Variants in ARHGAP24 observed in about 807,000 individuals in gnomAD.
The protein encoded by ARHGAP24 is Rho GTPase activating protein 24.
A neutral mutation model predicts 76.4 loss-of-function variants in ARHGAP24; 50 were observed. That is an observed-to-expected ratio of 0.65 (90% CI 0.52 to 0.83). The LOEUF is 0.83. Among genes scored for constraint, ARHGAP24 ranks in the 40% least tolerant of loss-of-function variants. The pLI, the probability that ARHGAP24 is intolerant of heterozygous loss-of-function variation, is 0.00. For synonymous variants in ARHGAP24, 345 were observed against 323.3 expected (o/e 1.07, Z -0.72); for missense variants, 930 against 914.2 (o/e 1.02, Z -0.22).
chr4:85,640,459 T>C (rs573324146), intron 2 of ARHGAP24, among the ~76,000 whole-genome samples: 2 of 152,326 alleles, frequency 1.3e-5, no homozygotes, highest in East Asian at 3.9e-4. Flanking sequence ...CCAATGGCAG[T>C]CATCATCTTA....
At chr4:85,793,830 G>C (rs940773951) in intron 3 of ARHGAP24, among the ~76,000 whole-genome samples, 1 of 152,100 alleles carries the variant, frequency 6.6e-6, no homozygotes, top group Non-Finnish European at 1.5e-5. Context: ...CCTTCTTTTT[G>C]ATTATTTGTG....
At chr4:85,507,926 GAA>G in intron 1 of ARHGAP24, among the ~76,000 whole-genome samples, 1 of 151,902 alleles carries the variant, frequency 6.6e-6, no homozygotes, top group South Asian at 2.1e-4. Flanking sequence ...ATTCTTATTA[GAA>G]AAGTATCTAA....
intron 1 of ARHGAP24, among the ~76,000 whole-genome samples, chr4:85,542,201 G>A (rs1725731361): frequency 6.6e-6 from 1 of 152,142 alleles, no homozygotes; most frequent in Non-Finnish European, 1.5e-5. Context: ...TAATTAATAT[G>A]GCTTGTGTAT....
intron 3 of ARHGAP24, among the ~76,000 whole-genome samples, chr4:85,739,194 C>T (rs867358033): frequency 4.6e-5 from 7 of 152,186 alleles, no homozygotes; most frequent in Admixed American, 1.3e-4. Flanking sequence ...GCTTGCCTCC[C>T]TCTCCCCTGC....
chr4:85,480,467 C>T (rs1467132672), intron 1 of ARHGAP24, among the ~76,000 whole-genome samples: 2 of 152,120 alleles, frequency 1.3e-5, no homozygotes, highest in African/African-American at 2.4e-5. Flanking sequence ...ATCTTATTGT[C>T]ACTTTTAATA....
chr4:85,802,555 AC>A (rs1156923579), intron 3 of ARHGAP24, among the ~76,000 whole-genome samples: 2 of 152,300 alleles, frequency 1.3e-5, no homozygotes, highest in African/African-American at 4.8e-5. Flanking sequence ...ACTTTGGGAG[AC>A]CAAGGCGGGT....
intron 3 of ARHGAP24, among the ~76,000 whole-genome samples, chr4:85,790,478 C>T (rs1728066289): frequency 6.6e-6 from 1 of 152,158 alleles, no homozygotes; most frequent in South Asian, 2.1e-4. Context: ...TTGAAATTTA[C>T]ACTCATTCTG....
At chr4:85,832,008 A>C (rs1319247084) in intron 3 of ARHGAP24, among the ~76,000 whole-genome samples, 1 of 151,982 alleles carries the variant, frequency 6.6e-6, no homozygotes, top group East Asian at 1.9e-4. Flanking sequence ...GGGCCAATAG[A>C]TTAGGAGGTG....
intron 3 of ARHGAP24, among the ~76,000 whole-genome samples, chr4:85,880,484 G>A (rs72658283): frequency 9.9e-5 from 15 of 151,722 alleles, no homozygotes; most frequent in Non-Finnish European, 1.9e-4. Flanking sequence ...TGGCTTTTCC[G>A]CCTTAACTAA....
intron 2 of ARHGAP24, among the ~76,000 whole-genome samples, chr4:85,695,820 T>G (rs539805770): frequency 6.6e-6 from 1 of 152,318 alleles, no homozygotes; most frequent in African/African-American, 2.4e-5. Context: ...TACTATGCAG[T>G]GTTTGTTACT....
chr4:85,870,380 A>C (rs921542866), intron 3 of ARHGAP24, among the ~76,000 whole-genome samples: 12 of 152,162 alleles, frequency 7.9e-5, no homozygotes, highest in African/African-American at 2.7e-4. Context: ...TATGGCTGTA[A>C]AGCAGATGAA....
At chr4:85,818,615 A>G (rs1410346534) in intron 3 of ARHGAP24, among the ~76,000 whole-genome samples, 8 of 152,236 alleles carry the variant, frequency 5.3e-5, no homozygotes, top group Admixed American at 5.2e-4. Context: ...GGCCTCAGTT[A>G]GGTGTCACCT....
intron 7 of ARHGAP24, among the ~76,000 whole-genome samples, chr4:85,976,779 CTTT>C (rs200270054): frequency 0.032 from 4,235 of 130,426 alleles, 234 homozygotes; most frequent in African/African-American, 0.11. Flanking sequence ...TTTTATTTCT[CTTT>C]TTTTTTTTTT....
At chr4:85,655,347 T>C (rs1722098725) in intron 2 of ARHGAP24, among the ~76,000 whole-genome samples, 1 of 152,246 alleles carries the variant, frequency 6.6e-6, no homozygotes, top group Non-Finnish European at 1.5e-5. Flanking sequence ...CAATGTTCTT[T>C]AGGGACTTGC....
intron 5 of ARHGAP24, among the ~76,000 whole-genome samples, chr4:85,958,847 A>G (rs1354043455): frequency 6.6e-6 from 1 of 152,166 alleles, no homozygotes; most frequent in African/African-American, 2.4e-5. Context: ...TTCCCAGGCA[A>G]CCACTAATCT....
intron 1 of ARHGAP24, among the ~76,000 whole-genome samples, chr4:85,480,028 ACT>A (rs1300300538): frequency 1.3e-5 from 2 of 152,124 alleles, no homozygotes; most frequent in Non-Finnish European, 2.9e-5. Context: ...AGTTTTCTAA[ACT>A]CTCTATCTAT....
chr4:85,498,650 T>A (rs1487179625), intron 1 of ARHGAP24, among the ~76,000 whole-genome samples: 1 of 152,174 alleles, frequency 6.6e-6, no homozygotes, highest in African/African-American at 2.4e-5. Context: ...CTAAAGACAG[T>A]CTTTCTCTCC....
intron 5 of ARHGAP24, among the ~76,000 whole-genome samples, chr4:85,960,650 C>T (rs1738189024): frequency 6.6e-6 from 1 of 152,114 alleles, no homozygotes; most frequent in South Asian, 2.1e-4. Context: ...ACCCATATTT[C>T]TGATATCTCA....
intron 2 of ARHGAP24, among the ~76,000 whole-genome samples, chr4:85,718,337 T>C (rs1176599424): frequency 6.6e-6 from 1 of 152,102 alleles, no homozygotes; most frequent in Non-Finnish European, 1.5e-5. Flanking sequence ...ATAATAAATA[T>C]CTTTTTATTT....
Sources: allele counts gnomAD v4.1 joint callset (sites outside exome capture counted in the v4.1 genomes callset), GRCh38; gene constraint gnomAD v4.1.1; transcripts MANE v1.5; gene names NCBI Gene and HGNC (gene_info 2026-07-23, HGNC 2026-07-21).